Variants in FBXL17 observed in about 807,000 individuals in gnomAD.
FBXL17 encodes F-box and leucine rich repeat protein 17.
In FBXL17, 22 loss-of-function variants were observed where a neutral mutation model predicts 66.2. The ratio of observed to expected loss-of-function variants is 0.33; its 90% CI spans 0.24 to 0.47. The LOEUF (loss-of-function observed/expected upper bound fraction) is 0.47, where lower values mean the gene tolerates loss of function less well. Ranked by LOEUF, FBXL17 falls within the 20% of genes least tolerant of loss-of-function variation. The pLI is 1.00. For synonymous variants in FBXL17, 474 were observed against 400.5 expected (o/e 1.18, Z -2.19); for missense variants, 878 against 948.2 (o/e 0.93, Z 0.97).
At chr5:108,253,968 T>C (rs1756468562) in intron 4 of FBXL17, among the ~76,000 whole-genome samples, 1 of 151,988 alleles carries the variant, frequency 6.6e-6, no homozygotes, top group Admixed American at 6.6e-5. Context: ...AGCAAGACCC[T>C]GTCTCAAAAA....
chr5:107,865,031 T>A (rs906835275), intron 8 of FBXL17, among the ~76,000 whole-genome samples: 2 of 152,172 alleles, frequency 1.3e-5, no homozygotes, highest in Non-Finnish European at 2.9e-5. Flanking sequence ...CCTTGGAAAA[T>A]CTGCATCACA....
chr5:107,865,819 T>C (rs1748255166), intron 8 of FBXL17, among the ~76,000 whole-genome samples: 1 of 152,182 alleles, frequency 6.6e-6, no homozygotes, highest in Non-Finnish European at 1.5e-5. Context: ...GTGTGACAAA[T>C]ATTATACTAC....
intron 5 of FBXL17, among the ~76,000 whole-genome samples, chr5:108,220,368 G>A (rs908685910): frequency 6.6e-6 from 1 of 152,058 alleles, no homozygotes; most frequent in Non-Finnish European, 1.5e-5. Flanking sequence ...CTGCAGTCTG[G>A]AAACTCTTTC....
intron 7 of FBXL17, among the ~76,000 whole-genome samples, chr5:107,957,177 A>G (rs1368274432): frequency 6.6e-6 from 1 of 152,150 alleles, no homozygotes; most frequent in African/African-American, 2.4e-5. Context: ...TTATACCAGA[A>G]GTATATAGCT....
chr5:108,258,377 T>C (rs1325094464), intron 4 of FBXL17, among the ~76,000 whole-genome samples: 3 of 152,184 alleles, frequency 2.0e-5, no homozygotes, highest in Admixed American at 6.5e-5. Flanking sequence ...TATTTCATTA[T>C]GGCAGCCTTA....
intron 4 of FBXL17, among the ~76,000 whole-genome samples, chr5:108,317,159 A>G (rs1759402999): frequency 6.6e-6 from 1 of 151,302 alleles, no homozygotes; most frequent in Non-Finnish European, 1.5e-5. Flanking sequence ...TTTCCACTAC[A>G]AGGTTTTATA....
chr5:108,297,877 AC>A (rs1758414409), intron 4 of FBXL17: 1 of 924,792 alleles, frequency 1.1e-6, no homozygotes. Flanking sequence ...TTTACAACAA[AC>A]AAAAAACCTA....
chr5:108,219,414 G>A (rs143041981), intron 5 of FBXL17, among the ~76,000 whole-genome samples: 4 of 152,164 alleles, frequency 2.6e-5, no homozygotes, highest in African/African-American at 9.7e-5. Context: ...GGCTGGATGT[G>A]GTTGCTCACG....
At chr5:108,174,353 T>C (rs1752714062) in intron 6 of FBXL17, among the ~76,000 whole-genome samples, 1 of 152,230 alleles carries the variant, frequency 6.6e-6, no homozygotes, top group Non-Finnish European at 1.5e-5. Context: ...TATTCTAACA[T>C]TTTTTAATTA....
intron 4 of FBXL17, among the ~76,000 whole-genome samples, chr5:108,227,513 C>T (rs1561476149): frequency 1.3e-5 from 2 of 152,160 alleles, no homozygotes; most frequent in Non-Finnish European, 2.9e-5. Context: ...AATTTAACAT[C>T]TTTGTTAGTT....
rs567255891 is a variant in FBXL17 at position 108,296,989 on chromosome 5, TTTA to T, written c.1506+51407_1506+51409del. Among the ~76,000 whole-genome samples, 592 of 151,524 alleles carry T rather than the reference TTTA, an allele frequency of 3.9e-3. 4 individuals are homozygous for T. The highest frequency in any genetic ancestry group is 0.016 in the Middle Eastern group (4 of 258). On this transcript the variant is annotated intron_variant, in intron 4 of 8. Transcript: ENST00000542267. Reference sequence around the variant, plus strand: ...GATATTAAAGGAAAATAAAAAGTATTTTATTATCTTAAATATTAAATTTAGCAT... The same window carrying T: ...GATATTAAAGGAAAATAAAAAGTATTTTATCTTAAATATTAAATTTAGCAT...
chr5:107,880,375 AT>A, intron 8 of FBXL17: 7 of 985,832 alleles, frequency 7.1e-6, no homozygotes, highest in Non-Finnish European at 8.4e-6. Context: ...ATAGATTTTT[AT>A]TATCTGTTTT....
intron 6 of FBXL17, among the ~76,000 whole-genome samples, chr5:108,056,099 T>C (rs1032301069): frequency 1.3e-5 from 2 of 152,224 alleles, no homozygotes; most frequent in Admixed American, 1.3e-4. Context: ...AACATAAAGT[T>C]ATCTATCTAG....
chr5:107,867,372 T>A (rs1294525526), intron 8 of FBXL17, among the ~76,000 whole-genome samples: 1 of 152,212 alleles, frequency 6.6e-6, no homozygotes, highest in Non-Finnish European at 1.5e-5. Flanking sequence ...ATAACTAAGC[T>A]ACACTTTGGA....
chr5:108,010,354 C>A (rs1754128228), intron 7 of FBXL17, among the ~76,000 whole-genome samples: 1 of 152,158 alleles, frequency 6.6e-6, no homozygotes, highest in Admixed American at 6.6e-5. Context: ...CAAGTCCCAC[C>A]TCTAACTTCT....
chr5:108,053,813 T>C (rs1187380626), intron 6 of FBXL17, among the ~76,000 whole-genome samples: 1 of 152,218 alleles, frequency 6.6e-6, no homozygotes, highest in Non-Finnish European at 1.5e-5. Flanking sequence ...CATGCACATG[T>C]ATGTTTACTA....
intron 6 of FBXL17, among the ~76,000 whole-genome samples, chr5:108,044,998 T>C (rs182036434): frequency 3.3e-5 from 5 of 152,320 alleles, no homozygotes; most frequent in African/African-American, 1.2e-4. Flanking sequence ...GTTTCATTCC[T>C]GACATTGGCA....
intron 7 of FBXL17, among the ~76,000 whole-genome samples, chr5:107,951,136 A>T (rs1751486897): frequency 6.6e-6 from 1 of 152,154 alleles, no homozygotes; most frequent in African/African-American, 2.4e-5. Context: ...AGGGTGCTGG[A>T]AAAAAGTAAG....
At chr5:108,041,672 C>T (rs906659988) in intron 6 of FBXL17, among the ~76,000 whole-genome samples, 3 of 152,104 alleles carry the variant, frequency 2.0e-5, no homozygotes, top group African/African-American at 7.2e-5. Context: ...CCCACCTGGG[C>T]CTCACAAAGT....
Sources: gnomAD v4.1 joint callset for allele counts (sites outside exome capture counted in the v4.1 genomes callset) on GRCh38, gnomAD v4.1.1 for gene constraint, MANE v1.5 for transcripts, NCBI Gene and HGNC (gene_info 2026-07-23, HGNC 2026-07-21) for gene names.